WWOX: variants seen among roughly 807,000 people sequenced by gnomAD.
WWOX encodes the protein WW domain-containing oxidoreductase.
WWOX carries 69 observed loss-of-function variants against 46.2 expected under a neutral mutation model. That is an observed-to-expected ratio of 1.49 (90% CI 1.23 to 1.82). WWOX has a LOEUF of 1.82. Among genes scored for constraint, WWOX ranks in the 40% most tolerant of loss-of-function variants. The pLI, the probability that WWOX is intolerant of heterozygous loss-of-function variation, is 0.00. For missense variants in WWOX, 919 were observed against 542.6 expected, an observed-to-expected ratio of 1.69 and a Z score of -6.89; for synonymous variants, 359 against 202.6, an observed-to-expected ratio of 1.77 and a Z score of -6.56.
chr16:78,411,699 A>T (rs2151950325), intron 6 of WWOX, among the ~76,000 whole-genome samples: 1 of 152,330 alleles, frequency 6.6e-6, no homozygotes, highest in East Asian at 1.9e-4. Flanking sequence ...CAGTATTCAT[A>T]AAAAGTCAAG....
intron 8 of WWOX, among the ~76,000 whole-genome samples, chr16:78,701,592 C>T (rs778463484): frequency 6.6e-6 from 1 of 152,028 alleles, no homozygotes; most frequent in East Asian, 1.9e-4. Flanking sequence ...CATATATCTC[C>T]CTCTCCCTCC....
intron 5 of WWOX, among the ~76,000 whole-genome samples, chr16:78,217,338 C>T (rs952969908): frequency 6.6e-6 from 1 of 152,180 alleles, no homozygotes; most frequent in African/African-American, 2.4e-5. Context: ...TACTTTCCTG[C>T]TGGTGGAAAC....
At chr16:78,894,527 C>T (rs1293307805) in intron 8 of WWOX, among the ~76,000 whole-genome samples, 1 of 152,178 alleles carries the variant, frequency 6.6e-6, no homozygotes, top group South Asian at 2.1e-4. Flanking sequence ...CTACCTAGTT[C>T]ATTGCTGCAG....
intron 8 of WWOX, among the ~76,000 whole-genome samples, chr16:78,722,027 A>G (rs1458884406): frequency 6.6e-6 from 1 of 152,176 alleles, no homozygotes; most frequent in Non-Finnish European, 1.5e-5. Context: ...AGAAGGTGGT[A>G]TTTTGCATAT....
intron 8 of WWOX, among the ~76,000 whole-genome samples, chr16:78,874,689 T>TC (rs1555555502): frequency 1.4e-5 from 2 of 141,084 alleles, no homozygotes; most frequent in African/African-American, 2.7e-5. Context: ...TTTTTCTTTT[T>TC]TTTTTTTTTT....
intron 8 of WWOX, among the ~76,000 whole-genome samples, chr16:79,029,991 G>A (rs1257674096): frequency 6.6e-6 from 1 of 152,114 alleles, no homozygotes; most frequent in Non-Finnish European, 1.5e-5. Context: ...TAAGCCAACC[G>A]CTATGAACTC....
intron 8 of WWOX, among the ~76,000 whole-genome samples, chr16:79,177,917 C>A (rs1255955961): frequency 6.6e-6 from 1 of 152,142 alleles, no homozygotes; most frequent in East Asian, 1.9e-4. Flanking sequence ...AGTTCTGGAG[C>A]CTGGGAAGTC....
chr16:78,438,884 T>A, intron 8 of WWOX, among the ~76,000 whole-genome samples: 1 of 152,144 alleles, frequency 6.6e-6, no homozygotes, highest in East Asian at 1.9e-4. Context: ...GCACAAGATG[T>A]CATTCTTCTA....
chr16:78,987,062 G>A (rs1354730817), intron 8 of WWOX, among the ~76,000 whole-genome samples: 4 of 152,110 alleles, frequency 2.6e-5, no homozygotes, highest in Non-Finnish European at 4.4e-5. Flanking sequence ...AGGACACAGC[G>A]CCATGGTTAT....
intron 8 of WWOX, among the ~76,000 whole-genome samples, chr16:78,950,691 A>C (rs2046042607): frequency 6.6e-6 from 1 of 152,190 alleles, no homozygotes; most frequent in Non-Finnish European, 1.5e-5. Flanking sequence ...TACTTTCTGC[A>C]AGCTTCTAAG....
At chr16:78,830,498 A>G (rs188838881) in intron 8 of WWOX, among the ~76,000 whole-genome samples, 23 of 152,194 alleles carry the variant, frequency 1.5e-4, no homozygotes, top group Non-Finnish European at 1.2e-4. Context: ...CCTCAAAATT[A>G]GAGTAAACAA....
At chr16:78,147,151 C>T (rs1567598053) in intron 4 of WWOX, among the ~76,000 whole-genome samples, 1 of 149,780 alleles carries the variant, frequency 6.7e-6, no homozygotes. Context: ...ATCAGAGATA[C>T]TTTTTTTTTT....
At chr16:78,119,161 C>G (rs1018546240) in intron 4 of WWOX, 4 of 152,278 alleles carry the variant, frequency 2.6e-5, no homozygotes, top group Non-Finnish European at 5.9e-5. Context: ...TCAACATAGA[C>G]TGAGCAGGAA....
intron 6 of WWOX, among the ~76,000 whole-genome samples, chr16:78,395,042 A>T (rs893140549): frequency 2.0e-5 from 3 of 152,190 alleles, no homozygotes; most frequent in Non-Finnish European, 2.9e-5. Flanking sequence ...GACACATCTC[A>T]CTTTATGGAG....
At chr16:78,710,706 C>T (rs2048427019) in intron 8 of WWOX, among the ~76,000 whole-genome samples, 1 of 151,050 alleles carries the variant, frequency 6.6e-6, no homozygotes, top group Non-Finnish European at 1.5e-5. Flanking sequence ...CCTCAACCTC[C>T]TGGGCTCAAC....
At chr16:78,831,151 C>G (rs945271487) in intron 8 of WWOX, among the ~76,000 whole-genome samples, 1 of 152,182 alleles carries the variant, frequency 6.6e-6, no homozygotes. Context: ...GAGCTGAGAA[C>G]CACTCAGAAT....
At chr16:78,940,239 T>C (rs2151291381) in intron 8 of WWOX, among the ~76,000 whole-genome samples, 1 of 152,348 alleles carries the variant, frequency 6.6e-6, no homozygotes, top group East Asian at 1.9e-4. Flanking sequence ...TGTGTAGAAA[T>C]AGAATACGGA....
intron 8 of WWOX, among the ~76,000 whole-genome samples, chr16:78,902,792 C>T (rs188258579): frequency 2.4e-4 from 37 of 152,308 alleles, no homozygotes; most frequent in East Asian, 1.2e-3. Flanking sequence ...GTTGTGCTTT[C>T]CTCTGCCCTG....
chr16:78,563,620 G>A (rs903282445), intron 8 of WWOX, among the ~76,000 whole-genome samples: 1 of 149,530 alleles, frequency 6.7e-6, no homozygotes, highest in Non-Finnish European at 1.5e-5. Context: ...CTTCCACCCT[G>A]CTGCCTTTGT....
Sources: allele counts gnomAD v4.1 joint callset (sites outside exome capture counted in the v4.1 genomes callset), GRCh38; gene constraint gnomAD v4.1.1; transcripts MANE v1.5; gene names NCBI Gene and HGNC (gene_info 2026-07-23, HGNC 2026-07-21).